USP6: variants seen among roughly 807,000 people sequenced by gnomAD.
USP6 encodes ubiquitin specific peptidase 6.
A neutral mutation model predicts 175.7 loss-of-function variants in USP6; 128 were observed. That is an observed-to-expected ratio of 0.73 (90% confidence interval 0.63 to 0.84). USP6 has a LOEUF of 0.84. Ranked by LOEUF, USP6 falls within the 40% of genes least tolerant of loss-of-function variation. The pLI is 0.00. For synonymous variants in USP6, 562 were observed against 630.6 expected, an observed-to-expected ratio of 0.89 and a Z score of 1.63; for missense variants, 1,498 against 1,760.3, an observed-to-expected ratio of 0.85 and a Z score of 2.67.
chr17:5,139,393 C>G lies in USP6; in HGVS notation c.1217C>G (p.Pro406Arg). 6.2e-7 allele frequency: 1 copy of G among 1,613,496 alleles called. No individual in the cohort carries two copies. Among genetic ancestry groups the G allele is most frequent in the East Asian group, 2.2e-5 (1 of 44,876 alleles). Residue 406 changes from proline to arginine, a missense_variant, in exon 22 of 38, where the codon CCA (proline) becomes CGA (arginine). This residue lies in a region of USP6 where 1,217 missense variants were observed against 1,500.8 expected (regional missense o/e 0.81). Transcript: ENST00000574788. ...CGGCCCATTTGCTCAGCTTCCCCGC[C>G]ATGGGCATCTCGTTTTTCCACGCCC... ...FQRPICSASP[P>R]WASRFSTPCP... is the part of the protein sequence containing the mutation.
chr17:5,149,958 T>C (rs2073718410), intron 30 of USP6, among the ~76,000 whole-genome samples: 1 of 152,166 alleles, frequency 6.6e-6, no homozygotes, highest in Non-Finnish European at 1.5e-5. Flanking sequence ...TGCCACTAGA[T>C]AGCTGATTGA....
At position 5,148,624 on chromosome 17, in the gene USP6, A is replaced by G. The variant is rs555522471; in HGVS notation, c.2500A>G (p.Ile834Val). Residue 834 changes from isoleucine to valine, a missense_variant, in exon 30 of 38, where the codon ATA becomes GTA. Transcript: ENST00000574788. ...LTTNGDLPKP[I>V]FIPNGMPNTV... ...TACCAATGGGGACCTACCCAAACCA[A>G]TATTCATCCCCAATGGAATGCCAAA... 1.1e-5 allele frequency: 17 copies of G among 1,613,972 alleles called. No homozygotes were observed. In the South Asian group the frequency reaches 1.2e-4, roughly 11 times the overall value.
At chr17:5,150,492 A>G (rs2073738441) in intron 30 of USP6, among the ~76,000 whole-genome samples, 1 of 150,994 alleles carries the variant, frequency 6.6e-6, no homozygotes, top group African/African-American at 2.4e-5. Flanking sequence ...AACAACAGAA[A>G]TATATCTTTT....
chr17:5,123,398 C>T (rs887907333), intron 4 of USP6, among the ~76,000 whole-genome samples: 2 of 151,168 alleles, frequency 1.3e-5, no homozygotes, highest in Admixed American at 1.3e-4. Context: ...CGTGGCGTGG[C>T]GTGGCGCGGC....
At chr17:5,135,359 T>C in intron 16 of USP6, 77 bp downstream of exon 16, 1 of 1,562,228 alleles carries the variant, frequency 6.4e-7, no homozygotes, top group Non-Finnish European at 8.8e-7. Context: ...GGGGTGTCGT[T>C]GCTTCTTTTA....
At chr17:5,171,545 C>T in intron 36 of USP6, 42 bp from the exon 37 acceptor site, 1 of 1,596,260 alleles carries the variant, frequency 6.3e-7, no homozygotes, top group Non-Finnish European at 8.6e-7. Flanking sequence ...GGCCATAGTA[C>T]AGTTAACTAC....
chr17:5,127,234 C>A (rs543212239), intron 6 of USP6, among the ~76,000 whole-genome samples: 19 of 152,292 alleles, frequency 1.2e-4, no homozygotes, highest in African/African-American at 4.6e-4. Context: ...GGCTCCGCCG[C>A]CCCTAGTCCA....
intron 7 of USP6, among the ~76,000 whole-genome samples, chr17:5,128,062 G>A (rs1305121104): frequency 6.6e-6 from 1 of 152,160 alleles, no homozygotes; most frequent in Non-Finnish European, 1.5e-5. Context: ...CCTGCACTGG[G>A]CATCTGGACG....
chr17:5,162,849 A>G, intron 32 of USP6, 35 bp from the exon 33 acceptor site: 1 of 1,577,394 alleles, frequency 6.3e-7, no homozygotes, highest in Non-Finnish European at 8.5e-7. Flanking sequence ...CTTCATAATT[A>G]TTTCTTCCTC....
intron 4 of USP6, among the ~76,000 whole-genome samples, chr17:5,123,947 G>C (rs1252478670): frequency 6.6e-6 from 1 of 151,810 alleles, no homozygotes; most frequent in East Asian, 1.9e-4. Flanking sequence ...ACGTGATCAA[G>C]GGCACCCAGG....
chr17:5,135,826 G>C lies in USP6; in HGVS notation c.562G>C (p.Asp188His). Reference protein sequence around the residue: ...EYNPEVGYCRDLSHITALFLL... With the variant: ...EYNPEVGYCRHLSHITALFLL... ...CTTGCAGGAGGTGGGCTACTGCAGG[G>C]ACCTGAGCCACATCACCGCCTTGTT... Residue 188 changes from aspartate (D) to histidine (H), a missense_variant, in exon 17 of 38, where the codon GAC becomes CAC. Asp to His is a moderately conservative substitution (Grantham distance 81, BLOSUM62 -1). Around this residue, in one of 2 missense-constraint regions of USP6, gnomAD observed 281 missense variants for 259.6 expected, o/e 1.08. Transcript: ENST00000574788. 1 of 1,598,446 alleles carries C rather than the reference G, an allele frequency of 6.3e-7. No homozygotes were observed. Among genetic ancestry groups the C allele is most frequent in the Non-Finnish European group, 8.5e-7 (1 of 1,179,756 alleles).
chr17:5,144,220 C>T (rs895441976), intron 25 of USP6, among the ~76,000 whole-genome samples: 2 of 151,702 alleles, frequency 1.3e-5, no homozygotes, highest in Non-Finnish European at 2.9e-5. Context: ...GACAACATTA[C>T]ATTATATAAA....
In USP6 at chr17:5,142,638, C is replaced by G. The variant is rs2073482010; in HGVS notation, c.1818+136C>G. The G allele has an allele frequency of 3.0e-6, 4 of 1,354,636 alleles. No homozygotes were observed. In the African/African-American group the frequency reaches 4.4e-5, roughly 15 times the overall value. 83.9% of individuals were successfully genotyped at this position (1,354,636 alleles called of 1,614,324 possible). ...TCCTTTACTTGGTATAAACAAGAGG[C>G]CAAATTCTTTTGCTTGTTTAAATAT... On this transcript the variant is annotated intron_variant, in intron 25 of 37. Transcript: ENST00000574788.
In USP6 at chr17:5,132,068, C is replaced by G. The variant is rs544702911; in HGVS notation, c.156-328C>G. On this transcript the variant is annotated intron_variant, in intron 11 of 37. Coordinates refer to ENST00000574788, the MANE Select transcript of USP6 (RefSeq NM_001304284.2). This position sits in a 1 kb window ranked among gnomAD's most constrained non-coding sequence, Gnocchi z 4.7. Reference sequence around the variant, plus strand: ...CGCCCATGCTGGGTGGCCCCCATCCCATCTCAGGGCTAACCTTTCTCAGCT... The same window carrying G: ...CGCCCATGCTGGGTGGCCCCCATCCGATCTCAGGGCTAACCTTTCTCAGCT... The G allele has an allele frequency of 1.4e-5, 12 of 853,394 alleles. No individual in the cohort carries two copies. The highest frequency in any genetic ancestry group is 1.7e-5 in the Non-Finnish European group (10 of 603,120). The allele number at this position is 853,394 out of a possible 1,614,324, so 52.9% of individuals were successfully genotyped here.
At chr17:5,139,796 G>T in intron 22 of USP6, 122 bp downstream of exon 22, 9 of 1,594,710 alleles carry the variant, frequency 5.6e-6, no homozygotes, top group Non-Finnish European at 7.6e-6. Context: ...GCAGCAGTGC[G>T]CTCCCACTTC....
rs148093961 is a variant in USP6 at position 5,138,233 on chromosome 17, G to A, written c.1038G>A (p.Thr346=). ...DTVLKHLRAS[T]KKLTRKQGDL... ...TGCTCAAGCATCTTAGGGCCTCTAC[G>A]AAGAAACTAACAAGGAAGCAAGGGG... The change falls in exon 21 of 38, where the codon ACG becomes ACA. Residue 346 remains threonine, a synonymous_variant. Transcript: ENST00000574788. The A allele has an allele frequency of 2.5e-6, 4 of 1,613,838 alleles. No homozygotes were observed. The East Asian group carries it at 6.7e-5, about 27-fold the overall frequency.
intron 21 of USP6, chr17:5,138,887 A>G: frequency 3.5e-6 from 3 of 856,846 alleles, no homozygotes; most frequent in East Asian, 4.0e-5. Context: ...CACTGCGGAG[A>G]CAGGTCCCCA....
intron 22 of USP6, 82 bp from the exon 23 acceptor site, chr17:5,141,342 CT>C: frequency 1.8e-5 from 22 of 1,253,872 alleles, no homozygotes; most frequent in East Asian, 5.0e-5. Flanking sequence ...AATAAGATGT[CT>C]TTAAAAAAAA....
intron 4 of USP6, among the ~76,000 whole-genome samples, chr17:5,123,385 CGGCGTGGCGT>C (rs917950543): frequency 6.6e-6 from 1 of 151,678 alleles, no homozygotes; most frequent in East Asian, 1.9e-4. Flanking sequence ...TCAGCAGGCC[CGGCGTGGCGT>C]GGCGTGGCGC....
Sources: gnomAD v4.1 joint callset for allele counts (sites outside exome capture counted in the v4.1 genomes callset) on GRCh38, gnomAD v4.1.1 for gene constraint, gnomAD v4.1.1 regional missense constraint, Gnocchi (gnomAD v3.1) non-coding constraint, MANE v1.5 for transcripts, NCBI Gene and HGNC (gene_info 2026-07-23, HGNC 2026-07-21) for gene names.